FYTTD1: variants seen among roughly 807,000 people sequenced by gnomAD.
FYTTD1 encodes UAP56-interacting factor.
A neutral mutation model predicts 40.9 loss-of-function variants in FYTTD1; 22 were observed. The observed-to-expected ratio is 0.54, with a 90% confidence interval of 0.38 to 0.77. The LOEUF (loss-of-function observed/expected upper bound fraction) is 0.77, where lower values mean the gene tolerates loss of function less well. Ranked by LOEUF, FYTTD1 falls within the 30% of genes least tolerant of loss-of-function variation. The probability of loss-of-function intolerance (pLI) is 0.00; values close to 1 mark genes in which losing one functional copy is unlikely to be tolerated. For missense variants in FYTTD1, 351 were observed against 392.2 expected, an observed-to-expected ratio of 0.90 and a Z score of 0.89; for synonymous variants, 140 against 137.9, an observed-to-expected ratio of 1.01 and a Z score of -0.10.
At chr3:197,750,945 C>G (rs1035801867) in intron 1 of FYTTD1, 3 of 668,038 alleles carry the variant, frequency 4.5e-6, no homozygotes, top group Non-Finnish European at 5.6e-6. Flanking sequence ...GCACCAGCCG[C>G]TGTGGTTAGC....
chr3:197,774,026 G>T (rs548125144), intron 5 of FYTTD1, 123 bp from the exon 6 acceptor site: 1 of 777,682 alleles, frequency 1.3e-6, no homozygotes, highest in Non-Finnish European at 2.2e-6. Context: ...GTAGAATAGC[G>T]CAGGCACCTC....
At chr3:197,764,195 G>C (rs1231582010) in intron 2 of FYTTD1, among the ~76,000 whole-genome samples, 2 of 152,194 alleles carry the variant, frequency 1.3e-5, no homozygotes, top group Non-Finnish European at 2.9e-5. Flanking sequence ...ATTGGATGAA[G>C]TCTTTAGTAC....
Position 197,751,455 on chromosome 3 carries a change from G to T in FYTTD1, c.103+1381G>T, listed in dbSNP as rs569705987. On this transcript the variant is annotated intron_variant, in intron 1 of 8. Transcript: ENST00000241502. ...GAGCCCAGGAGTTCGAGACCAGCCCGGGCAGCAAGGTGAAATCCCATGTCT... is the reference window on the plus strand; with the variant it reads ...GAGCCCAGGAGTTCGAGACCAGCCCTGGCAGCAAGGTGAAATCCCATGTCT... Among the ~76,000 whole-genome samples the T allele has an allele frequency of 1.1e-4, 17 of 152,280 alleles. 1 individual carries two copies. In the South Asian group the frequency reaches 3.3e-3, roughly 30 times the overall value.
chr3:197,774,326 G>C (rs1252388235), intron 6 of FYTTD1, 116 bp downstream of exon 6: 9 of 869,532 alleles, frequency 1.0e-5, no homozygotes, highest in Non-Finnish European at 1.7e-5. Context: ...ATAAAATTCA[G>C]TCTGAAAGCT....
intron 6 of FYTTD1, among the ~76,000 whole-genome samples, chr3:197,775,792 A>G (rs1051510747): frequency 6.6e-6 from 1 of 152,264 alleles, no homozygotes; most frequent in Non-Finnish European, 1.5e-5. Context: ...GAAAGAAATA[A>G]TAATTGTAGC....
intron 2 of FYTTD1, among the ~76,000 whole-genome samples, chr3:197,761,477 GTGTTCTTCAGTGGTAGAATGTATAGAAT>G (rs1729387957): frequency 6.7e-6 from 1 of 148,798 alleles, no homozygotes; most frequent in African/African-American, 2.5e-5. Context: ...AATGTATAAA[GTGTTCTTCAGTGGTAGAATGTATAGAAT>G]TGTTCTTCAG....
rs765794105 is a variant in FYTTD1 at position 197,774,140 on chromosome 3, T to C, written c.595-9T>C. 189 of 1,612,622 alleles carry C rather than the reference T, an allele frequency of 1.2e-4. No individual in the cohort carries two copies. Among genetic ancestry groups the C allele is most frequent in the Middle Eastern group, 4.9e-4 (3 of 6,080 alleles). On this transcript the variant is annotated splice_polypyrimidine_tract_variant and intron_variant, in intron 5 of 8. Transcript: ENST00000241502. Reference sequence around the variant, plus strand: ...TCTGTGGTACCTACTGCTTTTTTTTTCCCTTCAGGTGCAGGCCCAGTTGAA... The same window carrying C: ...TCTGTGGTACCTACTGCTTTTTTTTCCCCTTCAGGTGCAGGCCCAGTTGAA...
chr3:197,749,653 G>C, upstream of FYTTD1: 1 of 843,706 alleles, frequency 1.2e-6, no homozygotes, highest in Non-Finnish European at 1.8e-6. Flanking sequence ...ATTCAGAGGT[G>C]CCCGCGGTCT....
intron 8 of FYTTD1, among the ~76,000 whole-genome samples, chr3:197,779,833 T>TGGG (rs1729977144): frequency 7.7e-6 from 1 of 130,122 alleles, no homozygotes; most frequent in South Asian, 2.5e-4. Flanking sequence ...ACACCATACC[T>TGGG]GGGGATGCAG....
chr3:197,775,542 T>G (rs890278268), intron 6 of FYTTD1, among the ~76,000 whole-genome samples: 1 of 151,964 alleles, frequency 6.6e-6, no homozygotes, highest in African/African-American at 2.4e-5. Flanking sequence ...CCTCAGATAC[T>G]CAAGTCCCTT....
chr3:197,759,085 G>C (rs1490318218), intron 2 of FYTTD1, among the ~76,000 whole-genome samples: 2 of 152,104 alleles, frequency 1.3e-5, no homozygotes, highest in Non-Finnish European at 2.9e-5. Flanking sequence ...TTCAGTGGTA[G>C]AAAGTATAGA....
intron 2 of FYTTD1, among the ~76,000 whole-genome samples, chr3:197,761,559 A>C (rs1264847589): frequency 6.6e-6 from 1 of 151,718 alleles, no homozygotes; most frequent in Non-Finnish European, 1.5e-5. Flanking sequence ...GAATGTATAG[A>C]GTGTTCTTCA....
chr3:197,759,567 G>GTGTTCTTCAGTGGTAGAGCGTATAGAGT (rs1560493649), intron 2 of FYTTD1, among the ~76,000 whole-genome samples: 5 of 151,032 alleles, frequency 3.3e-5, no homozygotes, highest in African/African-American at 9.7e-5. Flanking sequence ...AACGTATAGA[G>GTGTTCTTCAGTGGTAGAGCGTATAGAGT]TGTTCTTCAG....
intron 6 of FYTTD1, among the ~76,000 whole-genome samples, chr3:197,776,539 T>A (rs943955327): frequency 6.6e-6 from 1 of 151,706 alleles, no homozygotes; most frequent in Non-Finnish European, 1.5e-5. Flanking sequence ...GTTTTTTTTT[T>A]ACTATGTAAG....
rs901211190 is a variant in FYTTD1 at position 197,784,808 on chromosome 3, G to T, written c.*2899G>T. ...TCTGTCTTAAAAAAACAAAAAAAAA[G>T]AATCCAGTATACTTTGCAATGCAGA... is the stretch of plus-strand genomic sequence containing the variant. On this transcript the variant is annotated 3_prime_UTR_variant, in exon 9 of 9. Coordinates refer to ENST00000241502, the MANE Select transcript of FYTTD1 (RefSeq NM_032288.7). 2.6e-5 allele frequency: 4 copies of T among 151,890 alleles called. No individual in the cohort carries two copies. The highest frequency in any genetic ancestry group is 9.7e-5 in the African/African-American group (4 of 41,356). 9.4% of individuals were successfully genotyped at this position (151,890 alleles called of 1,614,324 possible).
At chr3:197,761,362 T>C (rs2109041454) in intron 2 of FYTTD1, among the ~76,000 whole-genome samples, 1 of 152,012 alleles carries the variant, frequency 6.6e-6, no homozygotes, top group South Asian at 2.1e-4. Flanking sequence ...GTAGAATGTA[T>C]AGAATTGTTC....
chr3:197,760,919 T>A (rs987976323), intron 2 of FYTTD1, among the ~76,000 whole-genome samples: 2 of 145,424 alleles, frequency 1.4e-5, no homozygotes, highest in Non-Finnish European at 3.0e-5. Flanking sequence ...GTAGAACTTA[T>A]GGAGTGTTCT....
At chr3:197,766,893 T>C (rs1168339576) in intron 2 of FYTTD1, among the ~76,000 whole-genome samples, 6 of 152,176 alleles carry the variant, frequency 3.9e-5, no homozygotes, top group African/African-American at 1.4e-4. Flanking sequence ...TGCTTAAAAA[T>C]AGTTAAAACC....
intron 1 of FYTTD1, among the ~76,000 whole-genome samples, chr3:197,751,372 G>A (rs1729035581): frequency 6.6e-6 from 1 of 152,244 alleles, no homozygotes; most frequent in Non-Finnish European, 1.5e-5. Flanking sequence ...TGGGCGCGGT[G>A]GCTCACGCCT....
Sources: gnomAD v4.1 joint callset for allele counts (sites outside exome capture counted in the v4.1 genomes callset) on GRCh38, gnomAD v4.1.1 for gene constraint, MANE v1.5 for transcripts, NCBI Gene and HGNC (gene_info 2026-07-23, HGNC 2026-07-21) for gene names.